The following KIF16B variants were observed in gnomAD, a reference collection of about 807,000 sequenced individuals.
KIF16B encodes the protein kinesin family member 16B.
KIF16B carries 98 observed loss-of-function variants against 156.3 expected under a neutral mutation model. The ratio of observed to expected loss-of-function variants is 0.63; its 90% CI spans 0.53 to 0.74. KIF16B has a LOEUF of 0.74. KIF16B is among the 30% of genes least tolerant of loss of function. The probability of loss-of-function intolerance (pLI) is 0.00; values close to 1 mark genes in which losing one functional copy is unlikely to be tolerated. For synonymous variants in KIF16B, 564 were observed against 583.7 expected, an observed-to-expected ratio of 0.97 and a Z score of 0.49; for missense variants, 1,421 against 1,606.5, an observed-to-expected ratio of 0.88 and a Z score of 1.97.
chr20:16,336,474 T>C (rs1048581632), intron 23 of KIF16B, among the ~76,000 whole-genome samples: 4 of 152,158 alleles, frequency 2.6e-5, no homozygotes, highest in Non-Finnish European at 5.9e-5. Flanking sequence ...AGCTCACATA[T>C]GAAAGGTCAC....
intron 17 of KIF16B, among the ~76,000 whole-genome samples, chr20:16,402,864 C>T (rs1207282368): frequency 3.3e-5 from 5 of 152,090 alleles, no homozygotes; most frequent in Non-Finnish European, 5.9e-5. Flanking sequence ...TTTGTAAACA[C>T]TGAGGAAAAC....
chr20:16,368,384 A>T, intron 22 of KIF16B: 1 of 989,436 alleles, frequency 1.0e-6, no homozygotes, highest in Non-Finnish European at 1.2e-6. Context: ...GGAGAATGAG[A>T]TTCTGTTGAC....
At chr20:16,528,257 A>G (rs1272606871) in intron 2 of KIF16B, 114 bp downstream of exon 2, 2 of 760,282 alleles carry the variant, frequency 2.6e-6, no homozygotes, top group African/African-American at 1.7e-5. Context: ...GGCTAACTGC[A>G]CTGGAAAGGA....
intron 25 of KIF16B, among the ~76,000 whole-genome samples, chr20:16,302,675 C>T (rs2063490312): frequency 6.6e-6 from 1 of 152,134 alleles, no homozygotes; most frequent in Admixed American, 6.6e-5. Context: ...CTTTGATTTC[C>T]TTCATCAGAA....
intron 23 of KIF16B, among the ~76,000 whole-genome samples, chr20:16,348,530 C>T (rs1048305225): frequency 1.4e-4 from 22 of 152,258 alleles, no homozygotes; most frequent in African/African-American, 5.3e-4. Flanking sequence ...GCTGCAATTG[C>T]CTACAGAGAT....
At chr20:16,417,320 C>G (rs1014091683) in intron 15 of KIF16B, among the ~76,000 whole-genome samples, 2 of 152,152 alleles carry the variant, frequency 1.3e-5, no homozygotes, top group African/African-American at 4.8e-5. Flanking sequence ...ACGGGTAGTA[C>G]ACCCACTGCT....
chr20:16,564,192 A>C (rs1234127698), intron 1 of KIF16B, among the ~76,000 whole-genome samples: 4 of 152,238 alleles, frequency 2.6e-5, no homozygotes, highest in African/African-American at 9.6e-5. Context: ...AAAAGATTAC[A>C]GGAGTCCTTG....
chr20:16,477,240 G>A (rs1262169426), intron 12 of KIF16B, among the ~76,000 whole-genome samples: 1 of 147,906 alleles, frequency 6.8e-6, no homozygotes, highest in Non-Finnish European at 1.5e-5. Context: ...AGACAGTGAG[G>A]AGTTTAGCCT....
chr20:16,446,517 T>C (rs1453213965), intron 12 of KIF16B, among the ~76,000 whole-genome samples: 1 of 152,230 alleles, frequency 6.6e-6, no homozygotes, highest in Admixed American at 6.5e-5. Flanking sequence ...TCTGCATCCT[T>C]ACATGCCTTG....
intron 12 of KIF16B, among the ~76,000 whole-genome samples, chr20:16,438,522 C>A (rs1444635442): frequency 6.6e-6 from 1 of 152,132 alleles, no homozygotes; most frequent in Non-Finnish European, 1.5e-5. Context: ...TTTCAGGCAA[C>A]CACTGGAGGG....
At chr20:16,521,754 T>C (rs1310944970) in intron 3 of KIF16B, among the ~76,000 whole-genome samples, 1 of 152,096 alleles carries the variant, frequency 6.6e-6, no homozygotes, top group Non-Finnish European at 1.5e-5. Context: ...GGAAAAAATG[T>C]TAAGGGCAGC....
intron 15 of KIF16B, among the ~76,000 whole-genome samples, chr20:16,426,381 G>C (rs1190524665): frequency 6.6e-6 from 1 of 152,058 alleles, no homozygotes; most frequent in Admixed American, 6.6e-5. Context: ...TAAAAGTCTA[G>C]GAAAGGCCAA....
chr20:16,289,367 T>C (rs1014503496), intron 25 of KIF16B, among the ~76,000 whole-genome samples: 1 of 152,214 alleles, frequency 6.6e-6, no homozygotes, highest in Non-Finnish European at 1.5e-5. Flanking sequence ...GCAAATATGT[T>C]AATTTTCCCC....
chr20:16,405,835 T>G (rs1248821838), intron 16 of KIF16B, among the ~76,000 whole-genome samples: 2 of 152,138 alleles, frequency 1.3e-5, no homozygotes, highest in Admixed American at 1.3e-4. Context: ...AGCCACGATG[T>G]CCCTGAACAG....
At chr20:16,275,951 TGATTTGGAAAAC>T in intron 25 of KIF16B, among the ~76,000 whole-genome samples, 1 of 152,318 alleles carries the variant, frequency 6.6e-6, no homozygotes, top group South Asian at 2.1e-4. Context: ...AAGGGTGAGA[TGATTTGGAAAAC>T]GGGAGATGCA....
intron 7 of KIF16B, 138 bp downstream of exon 7, chr20:16,507,820 C>CT: frequency 1.2e-6 from 1 of 859,964 alleles, no homozygotes; most frequent in Non-Finnish European, 1.8e-6. Context: ...ATGTTCAACT[C>CT]TAATTAACAA....
At chr20:16,572,358 G>T (rs1405575138) in intron 1 of KIF16B, among the ~76,000 whole-genome samples, 2 of 152,176 alleles carry the variant, frequency 1.3e-5, no homozygotes, top group Non-Finnish European at 2.9e-5. Context: ...AGGCCCTATG[G>T]TAAGTCAAAT....
intron 15 of KIF16B, among the ~76,000 whole-genome samples, chr20:16,413,833 C>G (rs867247469): frequency 1.3e-5 from 2 of 151,302 alleles, no homozygotes; most frequent in African/African-American, 4.9e-5. Context: ...GGTGGAGAAA[C>G]CAAACTCTGT....
At chr20:16,463,460 G>A (rs549834454) in intron 12 of KIF16B, among the ~76,000 whole-genome samples, 25 of 152,256 alleles carry the variant, frequency 1.6e-4, no homozygotes, top group Admixed American at 1.0e-3. Flanking sequence ...TGTTTGAACC[G>A]AAGAGTGAAG....
Sources: gnomAD v4.1 joint callset for allele counts (sites outside exome capture counted in the v4.1 genomes callset) on GRCh38, gnomAD v4.1.1 for gene constraint, MANE v1.5 for transcripts, NCBI Gene and HGNC (gene_info 2026-07-23, HGNC 2026-07-21) for gene names.